The following RELN variants were observed in gnomAD, a reference collection of about 807,000 sequenced individuals.
RELN encodes reelin.
Under a neutral mutation model 427.6 loss-of-function variants are expected in RELN, and 108 were observed. That is an observed-to-expected ratio of 0.25 (90% CI 0.22 to 0.30). The LOEUF is 0.30. RELN is among the 10% of genes least tolerant of loss of function. The pLI, the probability that RELN is intolerant of heterozygous loss-of-function variation, is 1.00. For missense variants in RELN, 3,715 were observed against 4,302.8 expected (o/e 0.86, Z 3.82); for synonymous variants, 1,524 against 1,513.4 (o/e 1.01, Z -0.16).
rs1233107226 is a variant in RELN at position 103,553,664 on chromosome 7, C to T, written c.5965G>A (p.Ala1989Thr). The change falls in exon 39 of 65, where the codon GCA becomes ACA. Residue 1989 changes from alanine (A) to threonine (T), a missense_variant. Ala to Thr is a moderately conservative substitution (Grantham distance 58, BLOSUM62 0). Coordinates refer to ENST00000428762, the MANE Select transcript of RELN (RefSeq NM_005045.4). The part of the protein sequence containing the change: ...GLYCPYSSKG[A>T]PEEDSAMVFV... ...TTTTAGATTCTTAATACTTACGGTG[C>T]CCCCTTTGAAGAATATGGACAATAA... The T allele has an allele frequency of 5.0e-6, 8 of 1,613,772 alleles. No homozygotes were observed. The highest frequency in any genetic ancestry group is 6.8e-6 in the Non-Finnish European group (8 of 1,179,876).
intron 10 of RELN, among the ~76,000 whole-genome samples, chr7:103,695,598 C>T (rs1833961898): frequency 6.6e-6 from 1 of 152,012 alleles, no homozygotes; most frequent in Non-Finnish European, 1.5e-5. Flanking sequence ...AACCAAATAG[C>T]TAATTAGATT....
At position 103,472,676 on chromosome 7, in the gene RELN, C is replaced by A. The variant is rs886061853; in HGVS notation, c.*136G>T. 2 of 712,674 alleles carry A rather than the reference C, an allele frequency of 2.8e-6. No individual in the cohort carries two copies. Among genetic ancestry groups the A allele is most frequent in the Non-Finnish European group, 5.0e-6 (2 of 397,120 alleles). The allele number at this position is 712,674 out of a possible 1,614,324, so 44.1% of individuals were successfully genotyped here. ...ACAGTGTGGGAAAGTGGTGTACACTCGGTCTTGAGAAGGGCTTTCAGGTAA... is the reference window on the plus strand; with the variant it reads ...ACAGTGTGGGAAAGTGGTGTACACTAGGTCTTGAGAAGGGCTTTCAGGTAA... On this transcript the variant is annotated 3_prime_UTR_variant, in exon 65 of 65. Transcript: ENST00000428762.
At chr7:103,859,639 A>C (rs2116488096) in intron 2 of RELN, among the ~76,000 whole-genome samples, 1 of 152,290 alleles carries the variant, frequency 6.6e-6, no homozygotes, top group Admixed American at 6.5e-5. Context: ...AAGATAATAT[A>C]AATAGAATAT....
At chr7:103,680,282 T>G (rs1184755087) in intron 11 of RELN, among the ~76,000 whole-genome samples, 1 of 151,964 alleles carries the variant, frequency 6.6e-6, no homozygotes, top group African/African-American at 2.4e-5. Context: ...AGGAAATGCA[T>G]CTCTTTAGCT....
chr7:103,912,935 G>T (rs1795402730), intron 2 of RELN, among the ~76,000 whole-genome samples: 1 of 151,858 alleles, frequency 6.6e-6, no homozygotes, highest in Non-Finnish European at 1.5e-5. Flanking sequence ...TTTCTGGGAT[G>T]CACAAAGAGA....
intron 4 of RELN, among the ~76,000 whole-genome samples, chr7:103,757,832 T>C (rs1791199768): frequency 6.6e-6 from 1 of 152,164 alleles, no homozygotes; most frequent in South Asian, 2.1e-4. Flanking sequence ...GAGATCACTG[T>C]GGGGAACCTT....
intron 64 of RELN, among the ~76,000 whole-genome samples, chr7:103,475,532 CAA>C (rs1828005647): frequency 6.6e-6 from 1 of 152,026 alleles, no homozygotes; most frequent in African/African-American, 2.4e-5. Context: ...ATAAGGTACT[CAA>C]AGAGAATTTA....
In RELN at chr7:103,636,453, A is replaced by G; in HGVS notation, c.2085T>C (p.Phe695=). ...ATGCCATCTCACAAGCTGGGCCAGAAAATCCAGGGTCACACCTGAAAGAAA... is the reference window on the plus strand; with the variant it reads ...ATGCCATCTCACAAGCTGGGCCAGAGAATCCAGGGTCACACCTGAAAGAAA... The part of the protein sequence containing the change: ...TRHGCKCDPG[F]SGPACEMASQ... The change falls in exon 18 of 65, where the codon TTT becomes TTC. Residue 695 remains phenylalanine, a synonymous_variant. Transcript: ENST00000428762. 3.1e-6 allele frequency: 5 copies of G among 1,611,596 alleles called. No individual in the cohort carries two copies. The highest frequency in any genetic ancestry group is 1.3e-5 in the African/African-American group (1 of 75,030).
chr7:103,895,462 G>A (rs1427543504), intron 2 of RELN, among the ~76,000 whole-genome samples: 1 of 152,034 alleles, frequency 6.6e-6, no homozygotes, highest in Non-Finnish European at 1.5e-5. Context: ...GGGAGTGTCC[G>A]GAAGCCCATT....
chr7:103,511,319 T>A (rs1829406171), intron 50 of RELN, among the ~76,000 whole-genome samples: 1 of 152,200 alleles, frequency 6.6e-6, no homozygotes, highest in African/African-American at 2.4e-5. Flanking sequence ...ATATTTAACT[T>A]TTTAGATAGC....
chr7:103,583,594 C>T (rs930668711), intron 28 of RELN, among the ~76,000 whole-genome samples: 2 of 152,186 alleles, frequency 1.3e-5, no homozygotes, highest in Non-Finnish European at 2.9e-5. Flanking sequence ...ATCAGACACC[C>T]ATCCTTTCCA....
chr7:103,578,990 T>C (rs999137924), intron 28 of RELN, among the ~76,000 whole-genome samples: 1 of 152,222 alleles, frequency 6.6e-6, no homozygotes, highest in Admixed American at 6.5e-5. Flanking sequence ...TCTTTATTCC[T>C]TATTCAACAT....
chr7:103,701,748 G>T (rs1301513438), intron 8 of RELN, among the ~76,000 whole-genome samples: 1 of 151,984 alleles, frequency 6.6e-6, no homozygotes, highest in Admixed American at 6.6e-5. Context: ...GCCCAAAACA[G>T]CCCTGAAACA....
chr7:103,482,788 C>G (rs747942555), intron 63 of RELN, 85 bp downstream of exon 63: 4 of 1,604,926 alleles, frequency 2.5e-6, no homozygotes, highest in Non-Finnish European at 3.4e-6. Flanking sequence ...AAAAACGGAT[C>G]TTACTGAATT....
intron 3 of RELN, among the ~76,000 whole-genome samples, chr7:103,792,207 T>C (rs1210256284): frequency 1.3e-5 from 2 of 152,160 alleles, no homozygotes; most frequent in Non-Finnish European, 2.9e-5. Flanking sequence ...GCAATTCCAC[T>C]TGCAGTTGTA....
In RELN at chr7:103,576,234, C is replaced by CA. The variant is rs556412851; in HGVS notation, c.4146-530dup. Among the ~76,000 whole-genome samples, 740 of 149,604 alleles carry CA rather than the reference C, an allele frequency of 4.9e-3. 8 individuals carry two copies. Among genetic ancestry groups the CA allele is most frequent in the African/African-American group, 0.017 (688 of 40,890 alleles). ...TGGGTGACAGGGCGAGACTCCGTCT[C>CA]AAAAAAAAAATTCTCGTGCTTCAGC... On this transcript the variant is annotated intron_variant, in intron 28 of 64. Coordinates refer to ENST00000428762, the MANE Select transcript of RELN (RefSeq NM_005045.4).
chr7:103,812,929 T>C (rs923719491), intron 3 of RELN, among the ~76,000 whole-genome samples: 1 of 152,230 alleles, frequency 6.6e-6, no homozygotes, highest in African/African-American at 2.4e-5. Flanking sequence ...TAGACACATT[T>C]GCTTGAATAT....
At chr7:103,934,751 A>G (rs1486199756) in intron 1 of RELN, among the ~76,000 whole-genome samples, 1 of 152,258 alleles carries the variant, frequency 6.6e-6, no homozygotes, top group Non-Finnish European at 1.5e-5. Flanking sequence ...AATGGCTGGC[A>G]GCAGCAGCAA....
intron 63 of RELN, among the ~76,000 whole-genome samples, chr7:103,479,632 G>A (rs530477757): frequency 6.6e-6 from 1 of 152,110 alleles, no homozygotes; most frequent in Admixed American, 6.5e-5. Flanking sequence ...CATCTTTATG[G>A]TGTGGGGCTT....
Sources: gnomAD v4.1 joint callset for allele counts (sites outside exome capture counted in the v4.1 genomes callset) on GRCh38, gnomAD v4.1.1 for gene constraint, MANE v1.5 for transcripts, NCBI Gene and HGNC (gene_info 2026-07-23, HGNC 2026-07-21) for gene names.